KCNMB4: variants seen among roughly 807,000 people sequenced by gnomAD.
The protein encoded by KCNMB4 is calcium-activated potassium channel subunit beta-4.
A neutral mutation model predicts 20.7 loss-of-function variants in KCNMB4; 3 were observed. The observed-to-expected ratio is 0.14, with a 90% CI of 0.07 to 0.37. KCNMB4 has a LOEUF of 0.37. KCNMB4 is among the 10% of genes least tolerant of loss of function. KCNMB4 has a pLI of 1.00. For synonymous variants in KCNMB4, 110 were observed against 113.4 expected (o/e 0.97, Z 0.19); for missense variants, 168 against 265.9 (o/e 0.63, Z 2.56).
chr12:70,400,387 C>G, intron 2 of KCNMB4, 51 bp downstream of exon 2: 1 of 1,555,546 alleles, frequency 6.4e-7, no homozygotes, highest in Non-Finnish European at 8.7e-7. Flanking sequence ...GACTCTGCAG[C>G]TTATTACACT....
chr12:70,409,727 G>T (rs898679447), intron 2 of KCNMB4, among the ~76,000 whole-genome samples: 6 of 152,180 alleles, frequency 3.9e-5, no homozygotes, highest in Non-Finnish European at 7.3e-5. Context: ...ACCAGAGGAT[G>T]TTCAAGAATT....
In KCNMB4 at chr12:70,432,389, C is replaced by A. The variant is rs1016211474; in HGVS notation, c.*1736C>A. Reference sequence around the variant, plus strand: ...GTGTTGAATTGAGTATAATCTTCTTCTGTTTATTTTTGTGTTTTGTTTTTT... The same window carrying A: ...GTGTTGAATTGAGTATAATCTTCTTATGTTTATTTTTGTGTTTTGTTTTTT... On this transcript the variant is annotated 3_prime_UTR_variant, in exon 3 of 3. Coordinates refer to ENST00000258111, the MANE Select transcript of KCNMB4 (RefSeq NM_014505.6). The A allele has an allele frequency of 2.6e-5, 4 of 152,096 alleles. No homozygotes were observed. The highest frequency in any genetic ancestry group is 5.9e-5 in the Non-Finnish European group (4 of 68,048). 9.4% of individuals were successfully genotyped at this position (152,096 alleles called of 1,614,324 possible).
intron 1 of KCNMB4, among the ~76,000 whole-genome samples, chr12:70,381,796 G>A (rs1883791249): frequency 6.6e-6 from 1 of 152,180 alleles, no homozygotes; most frequent in Non-Finnish European, 1.5e-5. Flanking sequence ...AAAATTGATT[G>A]TGATGATTGT....
At chr12:70,378,305 T>C (rs553369604) in intron 1 of KCNMB4, among the ~76,000 whole-genome samples, 2 of 152,254 alleles carry the variant, frequency 1.3e-5, no homozygotes, top group South Asian at 4.1e-4. Flanking sequence ...ACCACATCTG[T>C]AGTTACTTTC....
chr12:70,370,489 A>G (rs1883573293), intron 1 of KCNMB4, among the ~76,000 whole-genome samples: 1 of 151,434 alleles, frequency 6.6e-6, no homozygotes, highest in Non-Finnish European at 1.5e-5. Context: ...TTCTATTTTT[A>G]GTGAGATGAG....
chr12:70,403,699 A>C (rs1201781238), intron 2 of KCNMB4, among the ~76,000 whole-genome samples: 3 of 152,240 alleles, frequency 2.0e-5, no homozygotes, highest in African/African-American at 7.2e-5. Context: ...ACCGGGCATT[A>C]GCATTTTGTA....
At chr12:70,387,968 A>G (rs1868270661) in intron 1 of KCNMB4, among the ~76,000 whole-genome samples, 2 of 151,998 alleles carry the variant, frequency 1.3e-5, no homozygotes, top group Admixed American at 1.3e-4. Context: ...CACCTCCCCC[A>G]CAGCCCTCCA....
At chr12:70,400,489 A>C (rs1868422053) in intron 2 of KCNMB4, among the ~76,000 whole-genome samples, 153 bp downstream of exon 2, 1 of 152,236 alleles carries the variant, frequency 6.6e-6, no homozygotes, top group Non-Finnish European at 1.5e-5. Context: ...ATGAATCTGC[A>C]GGACAGAGAA....
intron 2 of KCNMB4, among the ~76,000 whole-genome samples, chr12:70,402,228 C>T (rs191478499): frequency 2.0e-4 from 31 of 152,204 alleles, no homozygotes; most frequent in African/African-American, 7.2e-4. Flanking sequence ...CTCTGGGGTG[C>T]CTTCCTTGAT....
chr12:70,369,642 T>C (rs958570920), intron 1 of KCNMB4, among the ~76,000 whole-genome samples: 2 of 152,212 alleles, frequency 1.3e-5, no homozygotes, highest in Non-Finnish European at 2.9e-5. Flanking sequence ...TTGAGTTTCC[T>C]GCATTAATTA....
intron 1 of KCNMB4, among the ~76,000 whole-genome samples, chr12:70,388,115 A>G (rs1868271873): frequency 6.6e-6 from 1 of 152,044 alleles, no homozygotes; most frequent in African/African-American, 2.4e-5. Context: ...ACTTAACTTA[A>G]TGATCTCCAG....
At chr12:70,420,323 G>C (rs758293076) in intron 2 of KCNMB4, among the ~76,000 whole-genome samples, 7 of 152,168 alleles carry the variant, frequency 4.6e-5, no homozygotes, top group African/African-American at 7.2e-5. Context: ...AAGGAACTTT[G>C]CAGATGTGAT....
intron 2 of KCNMB4, among the ~76,000 whole-genome samples, chr12:70,413,930 G>A (rs1050891412): frequency 6.6e-6 from 1 of 152,136 alleles, no homozygotes; most frequent in South Asian, 2.1e-4. Flanking sequence ...GAGAGTTTCT[G>A]TCTGGTGAGA....
At chr12:70,379,328 C>A (rs1883743623) in intron 1 of KCNMB4, among the ~76,000 whole-genome samples, 1 of 152,198 alleles carries the variant, frequency 6.6e-6, no homozygotes, top group Admixed American at 6.5e-5. Flanking sequence ...TGGTGAAAAT[C>A]TGTTGTTTAG....
In KCNMB4 at chr12:70,433,376, G is replaced by A. The variant is rs1266797038; in HGVS notation, c.*2723G>A. The A allele has an allele frequency of 6.6e-6, 1 of 152,134 alleles. No individual in the cohort carries two copies. Among genetic ancestry groups the A allele is most frequent in the Non-Finnish European group, 1.5e-5 (1 of 68,038 alleles). The allele number at this position is 152,134 out of a possible 1,614,324, so 9.4% of individuals were successfully genotyped here. A position where few individuals can be genotyped will look rare whatever the true frequency, so the allele number is the denominator to read the frequency against. ...GATATAGGAGTCATCTACCTTGTTA[G>A]TTCTCTTAATACCCAAGGGTATTGT... On this transcript the variant is annotated 3_prime_UTR_variant, in exon 3 of 3. Transcript: ENST00000258111.
chr12:70,419,562 A>G (rs1868996098), intron 2 of KCNMB4, among the ~76,000 whole-genome samples: 1 of 152,188 alleles, frequency 6.6e-6, no homozygotes, highest in South Asian at 2.1e-4. Flanking sequence ...TCAGAATTAA[A>G]AAAAAATATT....
intron 2 of KCNMB4, among the ~76,000 whole-genome samples, chr12:70,402,056 A>G (rs552253395): frequency 6.6e-6 from 1 of 152,278 alleles, no homozygotes; most frequent in South Asian, 2.1e-4. Flanking sequence ...CTTGTCCCAG[A>G]CTGTCACTTC....
At chr12:70,391,470 T>C (rs1868298716) in intron 1 of KCNMB4, among the ~76,000 whole-genome samples, 1 of 152,042 alleles carries the variant, frequency 6.6e-6, no homozygotes. Flanking sequence ...ACCCAGCTAA[T>C]TAAAAAAATA....
At chr12:70,428,799 C>T (rs1366914787) in intron 2 of KCNMB4, among the ~76,000 whole-genome samples, 6 of 152,158 alleles carry the variant, frequency 3.9e-5, no homozygotes, top group Non-Finnish European at 7.3e-5. Flanking sequence ...TCAATGTATA[C>T]ACATATACTA....
Sources: gnomAD v4.1 joint callset for allele counts (sites outside exome capture counted in the v4.1 genomes callset) on GRCh38, gnomAD v4.1.1 for gene constraint, MANE v1.5 for transcripts, NCBI Gene and HGNC (gene_info 2026-07-23, HGNC 2026-07-21) for gene names.